The following LAMA5 variants were observed in gnomAD, a reference collection of about 807,000 sequenced individuals.
The protein encoded by LAMA5 is laminin subunit alpha-5.
LAMA5 carries 260 observed loss-of-function variants against 433.4 expected under a neutral mutation model. The observed-to-expected ratio is 0.60, with a 90% CI of 0.54 to 0.66. LAMA5 has a LOEUF of 0.66. Ranked by LOEUF, LAMA5 falls within the 30% of genes least tolerant of loss-of-function variation. The pLI, the probability that LAMA5 is intolerant of heterozygous loss-of-function variation, is 0.00. For synonymous variants in LAMA5, 2,620 were observed against 2,226.6 expected, an observed-to-expected ratio of 1.18 and a Z score of -4.97; for missense variants, 5,378 against 5,258.5, an observed-to-expected ratio of 1.02 and a Z score of -0.70.
At chr20:62,364,772 G>A (rs545162063) in intron 1 of LAMA5, among the ~76,000 whole-genome samples, 78 of 152,286 alleles carry the variant, frequency 5.1e-4, no homozygotes, top group African/African-American at 1.8e-3. Flanking sequence ...GGTTCACCCC[G>A]ACCCCCATCT....
At chr20:62,361,533 G>A (rs911747224) in intron 2 of LAMA5, among the ~76,000 whole-genome samples, 31 of 152,244 alleles carry the variant, frequency 2.0e-4, no homozygotes, top group African/African-American at 7.5e-4. Context: ...GACAATGGCA[G>A]GGACAGAGGC....
intron 50 of LAMA5, 100 bp downstream of exon 50, chr20:62,320,459 G>A (rs1204309733): frequency 5.7e-6 from 5 of 874,346 alleles, no homozygotes; most frequent in African/African-American, 1.7e-5. Flanking sequence ...ACTGACACAT[G>A]TACGAGGCAT....
chr20:62,311,123 C>G, intron 73 of LAMA5, 29 bp from the exon 74 acceptor site: 1 of 1,562,650 alleles, frequency 6.4e-7, no homozygotes, highest in South Asian at 1.2e-5. Context: ...TCAGCCTGCG[C>G]GGCCCCTCTC....
chr20:62,338,867 T>C (rs1325646521), intron 11 of LAMA5, among the ~76,000 whole-genome samples: 2 of 152,104 alleles, frequency 1.3e-5, no homozygotes, highest in Non-Finnish European at 2.9e-5. Context: ...TGAAGCCCTG[T>C]CTGTACTAAA....
Position 62,315,988 on chromosome 20 carries a change from C to G in LAMA5, c.7827G>C (p.Ala2609=). ...DVRAKKDQLE[A]HIQAAQAMLA... is the part of the protein sequence containing the mutation. ...GCATGGCCTGCGCCGCCTGGATGTG[C>G]GCCTCCAGCTGGTCCTTCTTGGCCC... The change falls in exon 58 of 80, where the codon GCG becomes GCC. Residue 2609 remains alanine, a synonymous_variant. Coordinates refer to ENST00000252999, the MANE Select transcript of LAMA5 (RefSeq NM_005560.6). 1.2e-6 allele frequency: 2 copies of G among 1,608,006 alleles called. No homozygotes were observed. The highest frequency in any genetic ancestry group is 1.7e-6 in the Non-Finnish European group (2 of 1,179,092).
In LAMA5 at chr20:62,316,793, C is replaced by T. The variant is rs1432340486; in HGVS notation, c.7654-20G>A. On this transcript the variant is annotated intron_variant, in intron 56 of 79. Transcript: ENST00000252999. ...CACCGTCTGTGGATGCCAGGGCAGA[C>T]CGTGGCTCAGACACGCAGGCCGGGG... 4 of 1,588,400 alleles carry T rather than the reference C, an allele frequency of 2.5e-6. No individual in the cohort carries two copies. Among genetic ancestry groups the T allele is most frequent in the South Asian group, 2.2e-5 (2 of 88,998 alleles).
In LAMA5 at chr20:62,309,389, G is replaced by T. The variant is rs774974654; in HGVS notation, c.11035C>A (p.Arg3679Ser). Residue 3679 changes from arginine (R) to serine (S), a missense_variant, in exon 80 of 80, where the codon CGC becomes AGC. Transcript: ENST00000252999. ...AVNRSPVAMT[R>S]SVEVHGAVGA... is the part of the protein sequence containing the mutation. Reference sequence around the variant, plus strand: ...ACTGCCCCGTGGACCTCCACAGAGCGAGTCATGGCGACGGGGGACCGGTTC... The same window carrying T: ...ACTGCCCCGTGGACCTCCACAGAGCTAGTCATGGCGACGGGGGACCGGTTC... The T allele has an allele frequency of 2.5e-6, 4 of 1,589,282 alleles. No individual in the cohort carries two copies. In the Admixed American group the frequency reaches 5.1e-5, roughly 20 times the overall value.
rs1987053433 is a variant in LAMA5, at chr20:62,317,340, C to A, written c.7511+5G>T. ...CCCAGGGCCCCTCCTCTCCTGGCCA[C>A]CCACCTGGACAGATTGAGTGCCAGC... On this transcript the variant is annotated splice_donor_5th_base_variant and intron_variant, in intron 55 of 79. Transcript: ENST00000252999. 10 of 1,602,990 alleles carry A rather than the reference C, an allele frequency of 6.2e-6. No homozygotes were observed. The highest frequency in any genetic ancestry group is 8.5e-6 in the Non-Finnish European group (10 of 1,176,686).
In LAMA5 at chr20:62,352,054, C is replaced by A; in HGVS notation, c.713G>T (p.Arg238Leu). The A allele has an allele frequency of 6.2e-7, 1 of 1,612,232 alleles. No homozygotes were observed. The highest frequency in any genetic ancestry group is 1.1e-5 in the South Asian group (1 of 91,040). Reference protein sequence around the residue: ...GEIVVSLVNGRPGAMNFSYSP... With the variant: ...GEIVVSLVNGLPGAMNFSYSP... ...GTAGGAGAAATTCATGGCGCCCGGACGTCCGTTCACCAGGGACACCACGAT... is the reference window on the plus strand; with the variant it reads ...GTAGGAGAAATTCATGGCGCCCGGAAGTCCGTTCACCAGGGACACCACGAT... The change falls in exon 5 of 80, where the codon CGT (arginine) becomes CTT (leucine). Residue 238 changes from arginine to leucine, a missense_variant. Coordinates refer to ENST00000252999, the MANE Select transcript of LAMA5 (RefSeq NM_005560.6).
chr20:62,311,218 C>T lies in LAMA5; in HGVS notation c.10032G>A (p.Gly3344=). ...ACTCCAGGTGACTGGACAGGGAACC[C>T]CCAAACTGGTAGGAGTCTCGGGTGG... ...LRTTRDSYQF[G]GSLSSHLEFV... Residue 3344 remains glycine (G), a synonymous_variant, in exon 73 of 80, where the codon GGG becomes GGA. Transcript: ENST00000252999. 2 of 1,610,446 alleles carry T rather than the reference C, an allele frequency of 1.2e-6. No individual in the cohort carries two copies. Among genetic ancestry groups the T allele is most frequent in the South Asian group, 1.1e-5 (1 of 90,870 alleles).
In LAMA5 at chr20:62,338,612, G is replaced by C. The variant is rs80126580; in HGVS notation, c.1478-4C>G. On this transcript the variant is annotated splice_polypyrimidine_tract_variant and splice_region_variant and intron_variant, in intron 11 of 79. Transcript: ENST00000252999. ...CCTGCCGCGCTGCAGTCACAATCTG[G>C]AGGGTGGGGACAGGCAGGGGAGTCT... The C allele has an allele frequency of 2.2e-3, 3,518 of 1,607,138 alleles. 48 individuals carry two copies. The African/African-American group carries it at 0.033, about 15-fold the overall frequency.
chr20:62,314,729 C>G lies in LAMA5; in HGVS notation c.8197-4G>C, dbSNP rs767146055. 1 of 1,612,278 alleles carries G rather than the reference C, an allele frequency of 6.2e-7. No homozygotes were observed. Among genetic ancestry groups the G allele is most frequent in the African/African-American group, 1.3e-5 (1 of 75,018 alleles). On this transcript the variant is annotated splice_polypyrimidine_tract_variant and splice_region_variant and intron_variant, in intron 60 of 79. Transcript: ENST00000252999. ...TGAACTTCATGGGCACCTTGACCTG[C>G]GGGGCACGGTCCATCAGCGTCCACC...
rs542021597 is a variant in LAMA5, at chr20:62,366,360, C to T, written c.297+589G>A. ...CACATCTCCCAGGGAGACTGAAGCC[C>T]CCGGACCCTACCACCTGCTGGGCAG... On this transcript the variant is annotated intron_variant, in intron 1 of 79. Coordinates refer to ENST00000252999, the MANE Select transcript of LAMA5 (RefSeq NM_005560.6). 3.3e-5 allele frequency among the ~76,000 whole-genome samples: 5 copies of T among 152,334 alleles called. No homozygotes were observed. In the East Asian group the frequency reaches 5.8e-4, roughly 18 times the overall value.
chr20:62,318,468 G>A lies in LAMA5; in HGVS notation c.7225C>T (p.Leu2409=), dbSNP rs1345856444. ...QELNSRNQER[L]EEALQRKQEL... ...GGGGTCCTCACCAGGGCTTCCTCCA[G>A]GCGCTCCTGGTTGCGGCTGTTGAGC... is the stretch of plus-strand genomic sequence containing the variant. The change falls in exon 53 of 80, where the codon CTG becomes TTG. Residue 2409 remains leucine (L), a synonymous_variant. Coordinates refer to ENST00000252999, the MANE Select transcript of LAMA5 (RefSeq NM_005560.6). 3 of 1,605,912 alleles carry A rather than the reference G, an allele frequency of 1.9e-6. No homozygotes were observed. The highest frequency in any genetic ancestry group is 2.7e-5 in the African/African-American group (2 of 74,544).
chr20:62,319,766 T>G lies in LAMA5; in HGVS notation c.6789A>C (p.Gln2263His), dbSNP rs981626643. Residue 2263 changes from glutamine (Q) to histidine (H), a missense_variant, in exon 51 of 80, where the codon CAA becomes CAC. By Grantham distance (24) the Gln-to-His change is conservative. Transcript: ENST00000252999. Reference protein sequence around the residue: ...QAVGTRDQASQLLAGTEATLG... With the variant: ...QAVGTRDQASHLLAGTEATLG... The stretch of plus-strand genomic sequence containing the variant: ...GTGTGGCCTCGGTGCCGGCCAGCAA[T>G]TGGCTCGCCTGGTCTCGGGTCCCCA... 4.4e-5 allele frequency: 68 copies of G among 1,548,000 alleles called. No individual in the cohort carries two copies. Among genetic ancestry groups the G allele is most frequent in the Non-Finnish European group, 5.9e-5 (68 of 1,146,862 alleles).
In LAMA5 at chr20:62,334,751, C is replaced by CGAGG. The variant is rs761054323; in HGVS notation, c.2483-131_2483-130insCCTC. 2.2e-3 allele frequency: 1,413 copies of CGAGG among 644,198 alleles called. 9 individuals carry two copies. The African/African-American group carries it at 0.04, about 18-fold the overall frequency. 39.9% of individuals were successfully genotyped at this position (644,198 alleles called of 1,614,324 possible). ...GAGAGTCAGGGCTCAGGGCTCAGGGCTCAGGGCGAGGGCGAGGGCGAGGGT... is the reference window on the plus strand; with the variant it reads ...GAGAGTCAGGGCTCAGGGCTCAGGGCGAGGTCAGGGCGAGGGCGAGGGCGAGGGT... On this transcript the variant is annotated intron_variant, in intron 20 of 79. Transcript: ENST00000252999.
At position 62,327,914 on chromosome 20, in the gene LAMA5, G is replaced by A. The variant is rs980267154; in HGVS notation, c.4749C>T (p.Gly1583=). ...RCRPCDCHEA[G]TAPGVCDPLT... ...GGGGGTCACACACGCCAGGCGCAGT[G>A]CCCGCCTCGTGACAGTCACAGGGGC... The change falls in exon 36 of 80, where the codon GGC becomes GGT. Residue 1583 remains glycine (G), a synonymous_variant. Coordinates refer to ENST00000252999, the MANE Select transcript of LAMA5 (RefSeq NM_005560.6). The A allele has an allele frequency of 8.7e-6, 14 of 1,611,776 alleles. No homozygotes were observed. In the African/African-American group the frequency reaches 1.7e-4, roughly 20 times the overall value.
chr20:62,333,847 G>GTGGGGTGGGGTGGGA, intron 23 of LAMA5, 54 bp downstream of exon 23: 25 of 1,471,756 alleles, frequency 1.7e-5, no homozygotes, highest in Non-Finnish European at 2.1e-5. Flanking sequence ...GTGGGGTGGG[G>GTGGGGTGGGGTGGGA]TGGGGTGGGC....
rs377002625 is a variant in LAMA5 at position 62,358,999 on chromosome 20, C to A, written c.450+3401G>T. Among the ~76,000 whole-genome samples, 4 of 152,260 alleles carry A rather than the reference C, an allele frequency of 2.6e-5. No individual in the cohort carries two copies. The East Asian group carries it at 5.8e-4, about 22-fold the overall frequency. ...TACTTCTAGCCTCATGCCTAACTGC[C>A]CCCTTATACCCTGCCAGCCCCAGTT... On this transcript the variant is annotated intron_variant, in intron 2 of 79. Transcript: ENST00000252999.
Sources: gnomAD v4.1 joint callset for allele counts (sites outside exome capture counted in the v4.1 genomes callset) on GRCh38, gnomAD v4.1.1 for gene constraint, MANE v1.5 for transcripts, NCBI Gene and HGNC (gene_info 2026-07-23, HGNC 2026-07-21) for gene names.